The following ARL15 variants were observed in gnomAD, a reference collection of about 807,000 sequenced individuals.
The protein encoded by ARL15 is ADP-ribosylation factor-like protein 15.
In ARL15, 19 loss-of-function variants were observed where a neutral mutation model predicts 25.2. That is an observed-to-expected ratio of 0.75 (90% confidence interval 0.53 to 1.10). ARL15 has a LOEUF of 1.10. ARL15 is among the 50% of genes least tolerant of loss of function. The pLI is 0.00. For synonymous variants in ARL15, 94 were observed against 86.8 expected (o/e 1.08, Z -0.46); for missense variants, 220 against 246.0 (o/e 0.89, Z 0.71).
intron 4 of ARL15, among the ~76,000 whole-genome samples, chr5:53,908,031 T>C (rs187432894): frequency 1.7e-4 from 26 of 152,312 alleles, no homozygotes; most frequent in African/African-American, 6.3e-4. Flanking sequence ...ATGTCATAAC[T>C]ATAGACAATA....
chr5:54,015,144 A>G lies in ARL15; in HGVS notation c.462+98058T>C, dbSNP rs150316541. 1.2e-3 allele frequency among the ~76,000 whole-genome samples: 181 copies of G among 152,018 alleles called. 2 individuals carry two copies. The East Asian group carries it at 0.033, about 27-fold the overall frequency. On this transcript the variant is annotated intron_variant, in intron 4 of 4. Coordinates refer to ENST00000504924, the MANE Select transcript of ARL15 (RefSeq NM_019087.3). ...CCCGTCTCTACTAAAAATACAAAAA[A>G]CTAGCCAGGCATGGTGGTGGGCACC... is the stretch of plus-strand genomic sequence containing the variant.
At chr5:54,274,397 G>A (rs757575825) in intron 1 of ARL15, among the ~76,000 whole-genome samples, 27 of 152,172 alleles carry the variant, frequency 1.8e-4, no homozygotes, top group Non-Finnish European at 2.6e-4. Context: ...TTCAAAACAT[G>A]ATAAAGAAAA....
chr5:54,064,784 C>T lies in ARL15; in HGVS notation c.462+48418G>A, dbSNP rs77009752. ...GTGCCTGGCACATATTAAGTATAGT[C>T]GATCCTCAGGTAACAGGGGTTTGAA... is the stretch of plus-strand genomic sequence containing the variant. On this transcript the variant is annotated intron_variant, in intron 4 of 4. Transcript: ENST00000504924. Among the ~76,000 whole-genome samples the T allele has an allele frequency of 3.1e-3, 472 of 151,406 alleles. 2 individuals are homozygous for T. The highest frequency in any genetic ancestry group is 0.011 in the African/African-American group (454 of 41,284).
intron 4 of ARL15, among the ~76,000 whole-genome samples, chr5:53,926,457 A>G (rs1412697632): frequency 6.6e-6 from 1 of 152,168 alleles, no homozygotes; most frequent in Non-Finnish European, 1.5e-5. Flanking sequence ...ACAGACAGGT[A>G]AGAATATCTC....
chr5:54,092,047 A>AACACACACAC (rs758037549), intron 4 of ARL15, among the ~76,000 whole-genome samples: 11 of 146,320 alleles, frequency 7.5e-5, no homozygotes, highest in African/African-American at 2.1e-4. Context: ...TCAAATTGAA[A>AACACACACAC]ACACACACAC....
intron 4 of ARL15, among the ~76,000 whole-genome samples, chr5:54,104,759 C>T (rs1752541305): frequency 6.6e-6 from 1 of 151,970 alleles, no homozygotes; most frequent in African/African-American, 2.4e-5. Flanking sequence ...TGTATTTGCT[C>T]CTCAGACATA....
chr5:54,218,936 T>C (rs1756294936), intron 1 of ARL15, among the ~76,000 whole-genome samples: 1 of 151,754 alleles, frequency 6.6e-6, no homozygotes, highest in Non-Finnish European at 1.5e-5. Context: ...AATATATATA[T>C]AATTTTGGTC....
chr5:54,267,091 T>G (rs1303456217), intron 1 of ARL15, among the ~76,000 whole-genome samples: 1 of 152,116 alleles, frequency 6.6e-6, no homozygotes, highest in East Asian at 1.9e-4. Context: ...GTTTTTGTTT[T>G]TGTTTGTTTG....
chr5:54,147,585 G>A (rs1412878907), intron 3 of ARL15, among the ~76,000 whole-genome samples: 1 of 152,128 alleles, frequency 6.6e-6, no homozygotes, highest in Admixed American at 6.5e-5. Flanking sequence ...TTTACCTATA[G>A]TAAGGTCAAA....
At chr5:54,281,468 T>C (rs1013381909) in intron 1 of ARL15, among the ~76,000 whole-genome samples, 1 of 152,198 alleles carries the variant, frequency 6.6e-6, no homozygotes, top group African/African-American at 2.4e-5. Context: ...TCCACTGCTT[T>C]AGAACAGTTT....
At chr5:54,251,836 T>A (rs1757242735) in intron 1 of ARL15, among the ~76,000 whole-genome samples, 1 of 152,166 alleles carries the variant, frequency 6.6e-6, no homozygotes, top group African/African-American at 2.4e-5. Flanking sequence ...CTGGAGGACA[T>A]TAAAAAATCC....
rs78435632 is a variant in ARL15 at position 53,963,747 on chromosome 5, G to T, written c.463-77034C>A. The stretch of plus-strand genomic sequence containing the variant: ...CCCTTGAACCTGGGAGGTGGAGGTT[G>T]CAATGAGCCAAAATTGTGCCATTGC... On this transcript the variant is annotated intron_variant, in intron 4 of 4. Coordinates refer to ENST00000504924, the MANE Select transcript of ARL15 (RefSeq NM_019087.3). Among the ~76,000 whole-genome samples, 634 of 151,538 alleles carry T rather than the reference G, an allele frequency of 4.2e-3. 4 individuals carry two copies. Among genetic ancestry groups the T allele is most frequent in the Admixed American group, 0.014 (211 of 15,224 alleles).
intron 4 of ARL15, among the ~76,000 whole-genome samples, chr5:53,973,894 T>C (rs1747838232): frequency 6.6e-6 from 1 of 152,142 alleles, no homozygotes; most frequent in Non-Finnish European, 1.5e-5. Context: ...TTTTCAACGA[T>C]TTTTCCCTTT....
chr5:54,071,424 T>C (rs1751413681), intron 4 of ARL15, among the ~76,000 whole-genome samples: 1 of 149,544 alleles, frequency 6.7e-6, no homozygotes, highest in Admixed American at 6.8e-5. Context: ...TGACAGGTAA[T>C]CACAGGCAAG....
chr5:54,022,160 A>T (rs255746), intron 4 of ARL15, among the ~76,000 whole-genome samples: 32,200 of 152,102 alleles, frequency 0.21, 3,604 homozygotes, highest in East Asian at 0.45. Context: ...TCAAAATGGA[A>T]GAGAAATGAT....
At chr5:54,121,714 G>C (rs928822586) in intron 3 of ARL15, among the ~76,000 whole-genome samples, 19 of 152,040 alleles carry the variant, frequency 1.2e-4, no homozygotes, top group Non-Finnish European at 4.4e-5. Flanking sequence ...GAACAGCATG[G>C]ACTCTTACTG....
chr5:54,193,194 C>T (rs778444171), intron 1 of ARL15, among the ~76,000 whole-genome samples: 1 of 152,150 alleles, frequency 6.6e-6, no homozygotes, highest in Non-Finnish European at 1.5e-5. Context: ...GAAACTTGTT[C>T]CTTCTTTCTA....
intron 1 of ARL15, among the ~76,000 whole-genome samples, chr5:54,289,375 AAG>A (rs909800736): frequency 6.6e-6 from 1 of 151,902 alleles, no homozygotes; most frequent in Admixed American, 6.6e-5. Context: ...AAAAAAAAAA[AAG>A]AGAGAATGTG....
At chr5:54,060,364 G>C (rs1010947762) in intron 4 of ARL15, among the ~76,000 whole-genome samples, 6 of 152,198 alleles carry the variant, frequency 3.9e-5, no homozygotes, top group Admixed American at 3.9e-4. Flanking sequence ...GGACCCAGGA[G>C]GTGGAGGTTG....
Sources: allele counts gnomAD v4.1 joint callset (sites outside exome capture counted in the v4.1 genomes callset), GRCh38; gene constraint gnomAD v4.1.1; transcripts MANE v1.5; gene names NCBI Gene and HGNC (gene_info 2026-07-23, HGNC 2026-07-21).